The following CSMD3 variants were observed in gnomAD, a reference collection of about 807,000 sequenced individuals.
The protein encoded by CSMD3 is CUB and sushi domain-containing protein 3.
A neutral mutation model predicts 435.2 loss-of-function variants in CSMD3; 177 were observed. That is an observed-to-expected ratio of 0.41 (90% confidence interval 0.36 to 0.46). CSMD3 has a LOEUF of 0.46. CSMD3 is among the 20% of genes least tolerant of loss of function. CSMD3 has a pLI of 0.34. For missense variants in CSMD3, 4,265 were observed against 4,504.6 expected (o/e 0.95, Z 1.52); for synonymous variants, 1,656 against 1,520.5 (o/e 1.09, Z -2.07).
intron 32 of CSMD3, among the ~76,000 whole-genome samples, chr8:112,448,081 C>T (rs7824210): frequency 0.44 from 67,264 of 151,668 alleles, 15,479 homozygotes; most frequent in Middle Eastern, 0.6. Flanking sequence ...TCAAACAGCA[C>T]CAATCTTTCC....
chr8:112,589,665 A>T (rs529235597), intron 22 of CSMD3, among the ~76,000 whole-genome samples: 2 of 152,184 alleles, frequency 1.3e-5, no homozygotes, highest in South Asian at 4.1e-4. Flanking sequence ...CTGTGACTGA[A>T]TATTCTTAAG....
intron 22 of CSMD3, among the ~76,000 whole-genome samples, chr8:112,607,382 C>T (rs1007782173): frequency 2.0e-5 from 3 of 151,996 alleles, no homozygotes; most frequent in Non-Finnish European, 2.9e-5. Context: ...CTGATAATTT[C>T]ATTGTAGAAT....
chr8:112,878,051 G>A (rs1209793688), intron 10 of CSMD3, among the ~76,000 whole-genome samples: 1 of 152,094 alleles, frequency 6.6e-6, no homozygotes, highest in Non-Finnish European at 1.5e-5. Flanking sequence ...TTCAACAAAA[G>A]CCAAAACTGA....
At chr8:113,126,934 T>C (rs748745641) in intron 4 of CSMD3, among the ~76,000 whole-genome samples, 4 of 152,022 alleles carry the variant, frequency 2.6e-5, no homozygotes, top group African/African-American at 4.8e-5. Context: ...CTCTTGTTTT[T>C]TTCATTAACT....
At chr8:112,249,924 T>C (rs1815115867) in intron 63 of CSMD3, among the ~76,000 whole-genome samples, 1 of 151,946 alleles carries the variant, frequency 6.6e-6, no homozygotes, top group Admixed American at 6.6e-5. Flanking sequence ...CCGGAGACTG[T>C]GTGTACTCAT....
intron 13 of CSMD3, among the ~76,000 whole-genome samples, chr8:112,766,244 C>T (rs2077975905): frequency 6.6e-6 from 1 of 151,046 alleles, no homozygotes. Context: ...TTTCTCCATA[C>T]TGAAAAAATT....
chr8:112,724,220 T>C (rs1361332931), intron 13 of CSMD3, among the ~76,000 whole-genome samples: 1 of 151,880 alleles, frequency 6.6e-6, no homozygotes, highest in Non-Finnish European at 1.5e-5. Flanking sequence ...GGGTTAGCCA[T>C]GGACATATAA....
At chr8:112,416,499 A>G (rs1188346557) in intron 32 of CSMD3, among the ~76,000 whole-genome samples, 1 of 152,222 alleles carries the variant, frequency 6.6e-6, no homozygotes, top group Non-Finnish European at 1.5e-5. Context: ...TAACAAGTAC[A>G]CGAATGATTT....
At chr8:112,739,363 C>A (rs1247828137) in intron 13 of CSMD3, among the ~76,000 whole-genome samples, 1 of 151,748 alleles carries the variant, frequency 6.6e-6, no homozygotes, top group Non-Finnish European at 1.5e-5. Context: ...CCATTACAGT[C>A]ATGGATGAAT....
At chr8:113,186,877 G>A (rs145993429) in intron 3 of CSMD3, among the ~76,000 whole-genome samples, 7 of 151,884 alleles carry the variant, frequency 4.6e-5, no homozygotes, top group South Asian at 2.1e-4. Context: ...CCATGAGTCC[G>A]AGTAAACACT....
In CSMD3 at chr8:113,000,708, T is replaced by C. The variant is rs571345913; in HGVS notation, c.1030+18359A>G. On this transcript the variant is annotated intron_variant, in intron 6 of 70. Coordinates refer to ENST00000297405, the MANE Select transcript of CSMD3 (RefSeq NM_198123.2). ...CAGTGCTTAATCTTTGGTTGTATTT[T>C]CCTGATTTTACATTAAGTCTTTGGG... is the stretch of plus-strand genomic sequence containing the variant. Among the ~76,000 whole-genome samples the C allele has an allele frequency of 1.8e-3, 270 of 152,196 alleles. 1 individual carries two copies. Among genetic ancestry groups the C allele is most frequent in the African/African-American group, 6.2e-3 (257 of 41,544 alleles).
At chr8:112,228,686 C>G (rs2129830528) in intron 70 of CSMD3, 70 bp downstream of exon 70, 1 of 1,480,380 alleles carries the variant, frequency 6.8e-7, no homozygotes, top group East Asian at 2.3e-5. Context: ...AAGATTTGAG[C>G]TAGAGCAGTA....
At chr8:112,246,771 C>T (rs957071441) in intron 64 of CSMD3, among the ~76,000 whole-genome samples, 4 of 152,032 alleles carry the variant, frequency 2.6e-5, no homozygotes, top group Admixed American at 6.6e-5. Context: ...TACCAGGTGG[C>T]AAAACTAAAC....
intron 6 of CSMD3, among the ~76,000 whole-genome samples, chr8:113,010,290 A>G (rs2086209266): frequency 6.6e-6 from 1 of 151,878 alleles, no homozygotes; most frequent in Admixed American, 6.6e-5. Context: ...GAAACTTTTT[A>G]TCTAGAAGCT....
intron 10 of CSMD3, among the ~76,000 whole-genome samples, chr8:112,916,076 G>A (rs547068991): frequency 6.6e-6 from 1 of 151,826 alleles, no homozygotes; most frequent in South Asian, 2.1e-4. Flanking sequence ...AAATGAGCAA[G>A]GTTATACTCC....
intron 32 of CSMD3, among the ~76,000 whole-genome samples, chr8:112,416,809 A>G (rs2130213103): frequency 6.6e-6 from 1 of 152,304 alleles, no homozygotes; most frequent in East Asian, 1.9e-4. Flanking sequence ...AGTGTCAGAA[A>G]AAAAAAACTG....
At chr8:112,648,939 A>G (rs1320250729) in intron 19 of CSMD3, among the ~76,000 whole-genome samples, 1 of 152,164 alleles carries the variant, frequency 6.6e-6, no homozygotes, top group Non-Finnish European at 1.5e-5. Context: ...TAGTTTAGAT[A>G]TGGATGAATT....
In CSMD3 at chr8:112,694,895, G is replaced by T. The variant is rs572628082; in HGVS notation, c.1973-4845C>A. ...CCCAGTGTGAGCGAAGCAGAAGACGGGTGATTTCTGCATTTCCAACTGAGG... is the reference window on the plus strand; with the variant it reads ...CCCAGTGTGAGCGAAGCAGAAGACGTGTGATTTCTGCATTTCCAACTGAGG... On this transcript the variant is annotated intron_variant, in intron 13 of 70. Transcript: ENST00000297405. 1.8e-4 allele frequency among the ~76,000 whole-genome samples: 28 copies of T among 152,208 alleles called. 1 individual carries two copies. Among genetic ancestry groups the T allele is most frequent in the Admixed American group, 1.1e-3 (17 of 15,262 alleles).
intron 13 of CSMD3, among the ~76,000 whole-genome samples, chr8:112,708,791 G>T (rs1172857061): frequency 1.3e-5 from 2 of 150,678 alleles, no homozygotes; most frequent in Admixed American, 6.6e-5. Flanking sequence ...GAGCAAAAAA[G>T]GTCGGACTTG....
Sources: gnomAD v4.1 joint callset for allele counts (sites outside exome capture counted in the v4.1 genomes callset) on GRCh38, gnomAD v4.1.1 for gene constraint, MANE v1.5 for transcripts, NCBI Gene and HGNC (gene_info 2026-07-23, HGNC 2026-07-21) for gene names.